Variants in CERKL observed in about 807,000 individuals in gnomAD.
The protein encoded by CERKL is CERK like autophagy regulator.
CERKL carries 61 observed loss-of-function variants against 63.4 expected under a neutral mutation model. The observed-to-expected ratio is 0.96, with a 90% CI of 0.78 to 1.19. The LOEUF is 1.19. CERKL is among the 50% of genes most tolerant of loss of function. CERKL has a pLI of 0.00. For missense variants in CERKL, 675 were observed against 655.5 expected (o/e 1.03, Z -0.33); for synonymous variants, 250 against 230.5 (o/e 1.08, Z -0.77).
At chr2:181,612,572 C>T (rs1214417042) in intron 1 of CERKL, among the ~76,000 whole-genome samples, 1 of 151,948 alleles carries the variant, frequency 6.6e-6, no homozygotes, top group Non-Finnish European at 1.5e-5. Context: ...ACAGTGTTCT[C>T]ATACTTAATT....
Position 181,539,246 on chromosome 2 carries a change from C to G in CERKL, c.1384G>C (p.Glu462Gln). ...TTTACTTCCTCAACAGTGTAAGTCT[C>G]AACAAATGGAAAATTGAACTAAAAA... ...VKNQFNFPFV[E>Q]TYTVEEVKVH... Residue 462 changes from glutamate to glutamine, a missense_variant, in exon 12 of 13, where the codon GAG (glutamate) becomes CAG (glutamine). Physicochemically the swap from Glu to Gln is conservative, Grantham distance 29 (BLOSUM62 2). Transcript: ENST00000410087. 1 of 1,591,730 alleles carries G rather than the reference C, an allele frequency of 6.3e-7. No individual in the cohort carries two copies. Among genetic ancestry groups the G allele is most frequent in the Non-Finnish European group, 8.6e-7 (1 of 1,160,114 alleles).
In CERKL at chr2:181,547,821, C is replaced by T. The variant is rs1364032336; in HGVS notation, c.1159+1G>A. On this transcript the variant is annotated splice_donor_variant, in intron 9 of 12. Transcript: ENST00000410087. LOFTEE classifies it high-confidence loss of function. ...TCTCAAGGAGATACTTTTCGACTCA[C>T]CAGATTTGGGAGATCCCTGTGCCCT... 2 of 1,613,954 alleles carry T rather than the reference C, an allele frequency of 1.2e-6. No individual in the cohort carries two copies. Among genetic ancestry groups the T allele is most frequent in the Non-Finnish European group, 1.7e-6 (2 of 1,179,954 alleles).
At chr2:181,571,676 T>C (rs542627310) in intron 3 of CERKL, among the ~76,000 whole-genome samples, 1 of 152,124 alleles carries the variant, frequency 6.6e-6, no homozygotes, top group Non-Finnish European at 1.5e-5. Flanking sequence ...TCCTGTAGTA[T>C]ACATTGTTGA....
At chr2:181,588,001 A>G (rs1430527312) in intron 2 of CERKL, among the ~76,000 whole-genome samples, 1 of 152,210 alleles carries the variant, frequency 6.6e-6, no homozygotes, top group Non-Finnish European at 1.5e-5. Flanking sequence ...AATTAAAAAT[A>G]AACTGTATAT....
At chr2:181,573,358 A>C (rs1269723397) in intron 3 of CERKL, among the ~76,000 whole-genome samples, 1 of 152,174 alleles carries the variant, frequency 6.6e-6, no homozygotes, top group Non-Finnish European at 1.5e-5. Context: ...AGTCAGAACG[A>C]AAACAACCCA....
intron 2 of CERKL, among the ~76,000 whole-genome samples, chr2:181,580,431 G>A (rs1684454655): frequency 6.6e-6 from 1 of 151,956 alleles, no homozygotes; most frequent in Admixed American, 6.6e-5. Context: ...GGATTTTCCA[G>A]CTTAACAATT....
chr2:181,642,277 C>G (rs904900443), intron 1 of CERKL, among the ~76,000 whole-genome samples: 1 of 152,136 alleles, frequency 6.6e-6, no homozygotes, highest in Non-Finnish European at 1.5e-5. Context: ...CACAGTCTAC[C>G]AACAGATGTC....
intron 1 of CERKL, among the ~76,000 whole-genome samples, chr2:181,638,997 A>G (rs1302980644): frequency 6.6e-6 from 1 of 152,218 alleles, no homozygotes; most frequent in African/African-American, 2.4e-5. Flanking sequence ...AAAAAAAAGG[A>G]AGAAGAATCT....
intron 1 of CERKL, among the ~76,000 whole-genome samples, chr2:181,650,979 G>A (rs1687910499): frequency 6.6e-6 from 1 of 152,162 alleles, no homozygotes; most frequent in South Asian, 2.1e-4. Context: ...TCAAGATTAA[G>A]TTAGGAAGAC....
intron 1 of CERKL, among the ~76,000 whole-genome samples, chr2:181,655,516 C>A (rs1193922402): frequency 2.0e-5 from 3 of 152,200 alleles, no homozygotes; most frequent in South Asian, 2.1e-4. Flanking sequence ...AAATACTACA[C>A]CTTGGTTTTT....
At position 181,656,794 on chromosome 2, in the gene CERKL, C is replaced by T. The variant is rs546328202; in HGVS notation, c.213G>A (p.Arg71=). 1.1e-5 allele frequency: 18 copies of T among 1,596,780 alleles called. No individual in the cohort carries two copies. Among genetic ancestry groups the T allele is most frequent in the East Asian group, 2.3e-5 (1 of 43,884 alleles). ...VVLSERALRW[R]PIQPERPAGD... ...CCGCCGGGCGCTCGGGCTGAATGGG[C>T]CGCCACCGCAGTGCTCGCTCGCTCA... is the stretch of plus-strand genomic sequence containing the variant. The change falls in exon 1 of 13, where the codon CGG becomes CGA. Residue 71 remains arginine (R), a synonymous_variant. Transcript: ENST00000410087.
chr2:181,628,360 T>C (rs1486381569), intron 1 of CERKL, among the ~76,000 whole-genome samples: 2 of 152,210 alleles, frequency 1.3e-5, no homozygotes, highest in Non-Finnish European at 1.5e-5. Context: ...TGTTTTAAAA[T>C]GGCCTTGGAA....
intron 1 of CERKL, among the ~76,000 whole-genome samples, chr2:181,650,794 C>T (rs1002849436): frequency 3.3e-5 from 5 of 149,556 alleles, no homozygotes; most frequent in Admixed American, 2.7e-4. Context: ...AAGAACAGAA[C>T]AAACTAATCC....
At chr2:181,585,678 G>C (rs1011554214) in intron 2 of CERKL, among the ~76,000 whole-genome samples, 1 of 152,182 alleles carries the variant, frequency 6.6e-6, no homozygotes, top group East Asian at 1.9e-4. Flanking sequence ...CAAACTTAAA[G>C]TCAATAGAAA....
intron 1 of CERKL, among the ~76,000 whole-genome samples, chr2:181,611,694 T>C (rs1345341115): frequency 6.6e-6 from 1 of 152,026 alleles, no homozygotes; most frequent in Non-Finnish European, 1.5e-5. Flanking sequence ...CAAAAGTAAA[T>C]AAAATGCCGG....
Position 181,566,174 on chromosome 2 carries a change from A to G in CERKL, c.614-53T>C, listed in dbSNP as rs568588467. 29 of 1,361,418 alleles carry G rather than the reference A, an allele frequency of 2.1e-5. 1 individual carries two copies. In the South Asian group the frequency reaches 2.9e-4, roughly 14 times the overall value. 84.3% of individuals were successfully genotyped at this position (1,361,418 alleles called of 1,614,324 possible). On this transcript the variant is annotated intron_variant, in intron 3 of 12. Transcript: ENST00000410087. ...AAAGTGACAGTTTTAAACAATGATC[A>G]CACTTTTTAACTTGTTCTGGCAAAA...
chr2:181,594,415 C>A (rs1468166969), intron 2 of CERKL, among the ~76,000 whole-genome samples: 1 of 152,178 alleles, frequency 6.6e-6, no homozygotes, highest in East Asian at 1.9e-4. Flanking sequence ...TGTATCAGAC[C>A]TTGAACTTCA....
intron 1 of CERKL, among the ~76,000 whole-genome samples, chr2:181,620,891 T>C (rs925605771): frequency 6.6e-6 from 1 of 152,216 alleles, no homozygotes; most frequent in African/African-American, 2.4e-5. Flanking sequence ...TAAAACTTTA[T>C]TTATTCATAT....
intron 2 of CERKL, among the ~76,000 whole-genome samples, chr2:181,575,631 C>T (rs1399894647): frequency 6.6e-6 from 1 of 152,102 alleles, no homozygotes; most frequent in Non-Finnish European, 1.5e-5. Context: ...CCTCATTACC[C>T]CTCATCCCAC....
Sources: gnomAD v4.1 joint callset for allele counts (sites outside exome capture counted in the v4.1 genomes callset) on GRCh38, gnomAD v4.1.1 for gene constraint, MANE v1.5 for transcripts, NCBI Gene and HGNC (gene_info 2026-07-23, HGNC 2026-07-21) for gene names.